Variants in GLUD1 observed in about 807,000 individuals in gnomAD.
GLUD1 encodes the protein glutamate dehydrogenase 1, also known as glutamate dehydrogenase 1, mitochondrial.
A neutral mutation model predicts 56.0 loss-of-function variants in GLUD1; 22 were observed. The ratio of observed to expected loss-of-function variants is 0.39; its 90% CI spans 0.28 to 0.56. The LOEUF (loss-of-function observed/expected upper bound fraction) is 0.56, where lower values mean the gene tolerates loss of function less well. GLUD1 is among the 20% of genes least tolerant of loss of function. The pLI is 0.58. For synonymous variants in GLUD1, 223 were observed against 269.9 expected, an observed-to-expected ratio of 0.83 and a Z score of 1.70; for missense variants, 451 against 732.0, an observed-to-expected ratio of 0.62 and a Z score of 4.43.
At chr10:87,065,255 A>G (rs1846044483) in intron 5 of GLUD1, among the ~76,000 whole-genome samples, 1 of 139,902 alleles carries the variant, frequency 7.1e-6, no homozygotes, top group Admixed American at 7.7e-5. Context: ...ATCGGGTGAC[A>G]GAGTGAGACT....
Position 87,075,996 on chromosome 10 carries a change from C to T in GLUD1, c.554G>A (p.Gly185Asp). ...VDVPFGGAKA[G>D]VKINPKNYTD... The stretch of plus-strand genomic sequence containing the variant: ...ATAGTTCTTGGGATTGATCTTAACA[C>T]CAGCTTTAGCACCCCCAAACGGCAC... The change falls in exon 3 of 13, where the codon GGT (glycine) becomes GAT (aspartate). Residue 185 changes from glycine (G) to aspartate (D), a missense_variant. Gly to Asp is a moderately conservative substitution (Grantham distance 94). This residue lies in a region of GLUD1 where 248 missense variants were observed against 460.0 expected (regional missense o/e 0.54). Transcript: ENST00000277865. 6.2e-7 allele frequency: 1 copy of T among 1,600,780 alleles called. No homozygotes were observed. The highest frequency in any genetic ancestry group is 8.5e-7 in the Non-Finnish European group (1 of 1,172,350).
rs535019835 is a variant in GLUD1 at position 87,083,889 on chromosome 10, T to C, written c.446-7233A>G. On this transcript the variant is annotated intron_variant, in intron 1 of 12. Coordinates refer to ENST00000277865, the MANE Select transcript of GLUD1 (RefSeq NM_005271.5). ...TTAGACTCCATTGATGCATTACTAG[T>C]GTTTGGGATCAACTGGGTCTTTGGT... Among the ~76,000 whole-genome samples, 3 of 152,284 alleles carry C rather than the reference T, an allele frequency of 2.0e-5. No individual in the cohort carries two copies. In the East Asian group the frequency reaches 5.8e-4, roughly 29 times the overall value.
chr10:87,076,184 A>G (rs1408702513), intron 2 of GLUD1, among the ~76,000 whole-genome samples, 161 bp from the exon 3 acceptor site: 2 of 152,220 alleles, frequency 1.3e-5, no homozygotes, highest in African/African-American at 2.4e-5. Flanking sequence ...ACTTTAAACA[A>G]CATTTTGTTG....
intron 1 of GLUD1, among the ~76,000 whole-genome samples, chr10:87,080,056 G>A (rs1173233920): frequency 6.6e-6 from 1 of 151,702 alleles, no homozygotes; most frequent in Non-Finnish European, 1.5e-5. Flanking sequence ...TCCTGCCTCA[G>A]CCTGCCGAGT....
chr10:87,086,888 A>G (rs563150385), intron 1 of GLUD1, among the ~76,000 whole-genome samples: 3 of 152,164 alleles, frequency 2.0e-5, no homozygotes, highest in Admixed American at 2.0e-4. Context: ...TTCTGACACC[A>G]AATGTGTGGG....
intron 1 of GLUD1, among the ~76,000 whole-genome samples, chr10:87,088,882 G>A (rs1002107580): frequency 1.3e-5 from 2 of 152,198 alleles, no homozygotes; most frequent in Non-Finnish European, 2.9e-5. Context: ...CACACTGGTA[G>A]AGAAATGAGT....
chr10:87,078,567 T>C (rs1841115756), intron 1 of GLUD1, among the ~76,000 whole-genome samples: 1 of 152,234 alleles, frequency 6.6e-6, no homozygotes, highest in African/African-American at 2.4e-5. Context: ...TGGCATATAT[T>C]AGGCACTCAA....
At chr10:87,063,807 T>C (rs919745539) in intron 5 of GLUD1, among the ~76,000 whole-genome samples, 1 of 152,182 alleles carries the variant, frequency 6.6e-6, no homozygotes, top group African/African-American at 2.4e-5. Context: ...GTATCTTTGG[T>C]AGCAGTGGTT....
At chr10:87,077,532 G>A (rs147556872) in intron 1 of GLUD1, among the ~76,000 whole-genome samples, 1 of 150,242 alleles carries the variant, frequency 6.7e-6, no homozygotes, top group African/African-American at 2.4e-5. Context: ...TCTGCAAAGA[G>A]GGCAGGTAGC....
At chr10:87,092,062 G>A (rs1023607701) in intron 1 of GLUD1, among the ~76,000 whole-genome samples, 3 of 152,200 alleles carry the variant, frequency 2.0e-5, no homozygotes, top group Non-Finnish European at 4.4e-5. Context: ...TTTCTTAGAC[G>A]TTAAAAAAGC....
chr10:87,071,195 T>C (rs551294365), intron 4 of GLUD1, among the ~76,000 whole-genome samples: 2 of 152,146 alleles, frequency 1.3e-5, no homozygotes, highest in East Asian at 3.9e-4. Context: ...TGTTTTTTTT[T>C]AATTTTTATG....
chr10:87,080,583 C>A (rs1841200638), intron 1 of GLUD1, among the ~76,000 whole-genome samples: 1 of 151,210 alleles, frequency 6.6e-6, no homozygotes, highest in Non-Finnish European at 1.5e-5. Context: ...AGCGCCTTTG[C>A]CCCGCCGCCC....
rs116314572 is a variant in GLUD1, at chr10:87,093,383, G to A, written c.445+942C>T. ...CCTTTCCATTTTATGTTACTAAAGA[G>A]GTATGATGCAATGTATTGGGGGGAA... On this transcript the variant is annotated intron_variant, in intron 1 of 12. Transcript: ENST00000277865. Among the ~76,000 whole-genome samples the A allele has an allele frequency of 2.8e-3, 422 of 152,222 alleles. 3 individuals carry two copies. Among genetic ancestry groups the A allele is most frequent in the Middle Eastern group, 0.01 (3 of 294 alleles).
intron 1 of GLUD1, among the ~76,000 whole-genome samples, chr10:87,081,392 C>T (rs1379901447): frequency 3.9e-5 from 6 of 152,128 alleles, no homozygotes; most frequent in Non-Finnish European, 8.8e-5. Context: ...CCCGGCCGCC[C>T]CTACTGGGAA....
At chr10:87,059,907 C>T (rs1839960622) in intron 9 of GLUD1, among the ~76,000 whole-genome samples, 1 of 152,140 alleles carries the variant, frequency 6.6e-6, no homozygotes, top group African/African-American at 2.4e-5. Context: ...TAACACAGTA[C>T]ACATTTATAT....
chr10:87,069,296 C>G (rs993200721), intron 4 of GLUD1, among the ~76,000 whole-genome samples: 3 of 151,922 alleles, frequency 2.0e-5, no homozygotes, highest in Non-Finnish European at 4.4e-5. Flanking sequence ...GAGGGCGGAT[C>G]ACGAGGTCAG....
chr10:87,074,961 T>C (rs10909633), intron 3 of GLUD1, among the ~76,000 whole-genome samples: 9,392 of 152,260 alleles, frequency 0.062, 598 homozygotes, highest in African/African-American at 0.17. Flanking sequence ...TGTTTGTATA[T>C]AGATAATTTA....
intron 5 of GLUD1, among the ~76,000 whole-genome samples, chr10:87,066,276 C>T (rs1846072986): frequency 6.6e-6 from 1 of 152,148 alleles, no homozygotes; most frequent in Admixed American, 6.6e-5. Flanking sequence ...CCCTTGCAGT[C>T]CGGGCCCCTG....
In GLUD1 at chr10:87,071,029, T is replaced by C. The variant is rs1164023909; in HGVS notation, c.647-2872A>G. On this transcript the variant is annotated intron_variant, in intron 4 of 12. Coordinates refer to ENST00000277865, the MANE Select transcript of GLUD1 (RefSeq NM_005271.5). ...CTGTAGTCCCAGCTTCTTGGGAGGC[T>C]GAGGCAGGAGAATGGCGTGAACCCG... Among the ~76,000 whole-genome samples, 4 of 151,668 alleles carry C rather than the reference T, an allele frequency of 2.6e-5. No individual in the cohort carries two copies. In the East Asian group the frequency reaches 7.9e-4, roughly 30 times the overall value.
Sources: allele counts gnomAD v4.1 joint callset (sites outside exome capture counted in the v4.1 genomes callset), GRCh38; gene constraint gnomAD v4.1.1; regional missense constraint gnomAD v4.1.1; transcripts MANE v1.5; gene names NCBI Gene and HGNC (gene_info 2026-07-23, HGNC 2026-07-21).